Variants in KNDC1 observed in about 807,000 individuals in gnomAD.
KNDC1 encodes the protein kinase non-catalytic C-lobe domain containing 1, also known as kinase non-catalytic C-lobe domain-containing protein 1.
KNDC1 carries 106 observed loss-of-function variants against 172.8 expected under a neutral mutation model. That is an observed-to-expected ratio of 0.61 (90% CI 0.52 to 0.72). KNDC1 has a LOEUF of 0.72. Ranked by LOEUF, KNDC1 falls within the 30% of genes least tolerant of loss-of-function variation. The pLI, the probability that KNDC1 is intolerant of heterozygous loss-of-function variation, is 0.00. For synonymous variants in KNDC1, 1,083 were observed against 1,062.2 expected (o/e 1.02, Z -0.38); for missense variants, 2,325 against 2,394.5 (o/e 0.97, Z 0.61).
intron 17 of KNDC1, among the ~76,000 whole-genome samples, chr10:133,203,669 G>T (rs1244964008): frequency 6.6e-6 from 1 of 152,194 alleles, no homozygotes; most frequent in East Asian, 1.9e-4. Context: ...AACAAGCGTG[G>T]CTCCCAGAGT....
chr10:133,196,933 G>A (rs993486990), intron 10 of KNDC1, 125 bp from the exon 11 acceptor site: 9 of 713,902 alleles, frequency 1.3e-5, no homozygotes, highest in Admixed American at 4.5e-5. Flanking sequence ...GTTGGGTGTC[G>A]GTGAGAACAA....
At position 133,185,966 on chromosome 10, in the gene KNDC1, G is replaced by A. The variant is rs1166675917; in HGVS notation, c.626-8G>A. ...ACCCAGCCGTGACCACATCTTGCTTGTGCCCAGATGTCAGCGAGAGCAGCT... is the reference window on the plus strand; with the variant it reads ...ACCCAGCCGTGACCACATCTTGCTTATGCCCAGATGTCAGCGAGAGCAGCT... On this transcript the variant is annotated splice_region_variant and splice_polypyrimidine_tract_variant and intron_variant, in intron 5 of 29. Coordinates refer to ENST00000304613, the MANE Select transcript of KNDC1 (RefSeq NM_152643.8). 1.9e-6 allele frequency: 3 copies of A among 1,585,058 alleles called. No homozygotes were observed. The highest frequency in any genetic ancestry group is 1.2e-5 in the South Asian group (1 of 86,622).
intron 3 of KNDC1, among the ~76,000 whole-genome samples, chr10:133,181,652 C>A (rs1162220052): frequency 6.6e-6 from 1 of 152,214 alleles, no homozygotes; most frequent in South Asian, 2.1e-4. Flanking sequence ...AGGCATGGGA[C>A]AGAGAAGGTC....
At position 133,209,497 on chromosome 10, in the gene KNDC1, GGTT is replaced by G; in HGVS notation, c.3795-1111_3795-1109del. On this transcript the variant is annotated intron_variant, in intron 20 of 29. Coordinates refer to ENST00000304613, the MANE Select transcript of KNDC1 (RefSeq NM_152643.8). This position sits in a 1 kb window ranked among gnomAD's most constrained non-coding sequence, Gnocchi z 4.9. ...GTGCGCGTGTGTGGTGTGCGCGTCT[GGTT>G]GTGGAGTTCTGTGTGGCTTTGTGCA... is the stretch of plus-strand genomic sequence containing the variant. Among the ~76,000 whole-genome samples, 1 of 151,866 alleles carries G rather than the reference GGTT, an allele frequency of 6.6e-6. No homozygotes were observed. The highest frequency in any genetic ancestry group is 2.1e-4 in the South Asian group (1 of 4,820).
In KNDC1 at chr10:133,206,495, G is replaced by A. The variant is rs1296444659; in HGVS notation, c.3388-190G>A. 2.6e-5 allele frequency among the ~76,000 whole-genome samples: 4 copies of A among 151,694 alleles called. No homozygotes were observed. The East Asian group carries it at 5.8e-4, about 22-fold the overall frequency. On this transcript the variant is annotated intron_variant, in intron 17 of 29. Transcript: ENST00000304613. ...GCCCTGTGAGCCTGGGGGCAGCCCA[G>A]GGCCCCCCAGACCACACTGCCCAGG... is the stretch of plus-strand genomic sequence containing the variant.
At chr10:133,200,679 C>T (rs904450400) in intron 16 of KNDC1, among the ~76,000 whole-genome samples, 2 of 152,102 alleles carry the variant, frequency 1.3e-5, no homozygotes, top group Non-Finnish European at 2.9e-5. Context: ...AGGCCGTCCT[C>T]TCCTGGGGGT....
chr10:133,185,891 G>A, intron 5 of KNDC1, 83 bp from the exon 6 acceptor site: 1 of 810,494 alleles, frequency 1.2e-6, no homozygotes, highest in African/African-American at 2.0e-5. Flanking sequence ...AGAGGGGAGG[G>A]GTGGGAGGAG....
intron 4 of KNDC1, 62 bp downstream of exon 4, chr10:133,183,552 G>A (rs536109550): frequency 8.7e-6 from 13 of 1,501,718 alleles, no homozygotes; most frequent in Admixed American, 2.1e-5. Flanking sequence ...CCTGGACACC[G>A]TGTGCTCACC....
At chr10:133,205,987 G>A (rs1402428353) in intron 17 of KNDC1, among the ~76,000 whole-genome samples, 1 of 152,234 alleles carries the variant, frequency 6.6e-6, no homozygotes, top group Non-Finnish European at 1.5e-5. Context: ...GATCACCTGA[G>A]GTCGGGAGTT....
At position 133,199,077 on chromosome 10, in the gene KNDC1, G is replaced by A. The variant is rs1427717685; in HGVS notation, c.2569G>A (p.Asp857Asn). The change falls in exon 14 of 30, where the codon GAC (aspartate) becomes AAC (asparagine). Residue 857 changes from aspartate to asparagine, a missense_variant. Coordinates refer to ENST00000304613, the MANE Select transcript of KNDC1 (RefSeq NM_152643.8). Reference sequence around the variant, plus strand: ...GGCCACCCCTGCCGGGGAACGTGATGACCAGAGTCCAGACAGTGTCCCAGA... The same window carrying A: ...GGCCACCCCTGCCGGGGAACGTGATAACCAGAGTCCAGACAGTGTCCCAGA... ...PGATPAGERD[D>N]QSPDSVPERP... 2 of 1,607,466 alleles carry A rather than the reference G, an allele frequency of 1.2e-6. No homozygotes were observed. The highest frequency in any genetic ancestry group is 1.7e-6 in the Non-Finnish European group (2 of 1,177,818).
Position 133,225,680 on chromosome 10 carries a change from GA to G in KNDC1, c.*791del, listed in dbSNP as rs1845705107. ...CAGAGGCTCTGTGGCGGGGGTCCCT[GA>G]GAGTGCCCCCACCCATCTCATGCCC... On this transcript the variant is annotated 3_prime_UTR_variant, in exon 30 of 30. Transcript: ENST00000304613. 6.6e-6 allele frequency: 1 copy of G among 152,412 alleles called. No individual in the cohort carries two copies. The highest frequency in any genetic ancestry group is 2.1e-4 in the South Asian group (1 of 4,840). The allele number at this position is 152,412 out of a possible 1,614,324, so 9.4% of individuals were successfully genotyped here.
In KNDC1 at chr10:133,211,699, T is replaced by C; in HGVS notation, c.4077T>C (p.Ser1359=). Residue 1359 remains serine (S), a synonymous_variant, in exon 23 of 30, where the codon TCT becomes TCC. Transcript: ENST00000304613. The stretch of plus-strand genomic sequence containing the variant: ...CCTAGATCCTACCCCTGGACGGCTC[T>C]GCCAAGCACCTGCTGGGCCTCCTGG... The part of the protein sequence containing the change: ...ISSKILPLDG[S]AKHLLGLLEV... The C allele has an allele frequency of 6.2e-7, 1 of 1,601,504 alleles. No individual in the cohort carries two copies. The highest frequency in any genetic ancestry group is 8.5e-7 in the Non-Finnish European group (1 of 1,173,644).
At chr10:133,188,763 C>A in intron 7 of KNDC1, 110 bp downstream of exon 7, 7 of 583,160 alleles carry the variant, frequency 1.2e-5, no homozygotes, top group South Asian at 1.1e-4. Flanking sequence ...CCGTCCCACG[C>A]CCCCCCACTG....
Position 133,189,666 on chromosome 10 carries a change from A to G in KNDC1, c.1510A>G (p.Asn504Asp). 6.2e-7 allele frequency: 1 copy of G among 1,613,934 alleles called. No individual in the cohort carries two copies. Among genetic ancestry groups the G allele is most frequent in the Non-Finnish European group, 8.5e-7 (1 of 1,179,984 alleles). The change falls in exon 8 of 30, where the codon AAC (asparagine) becomes GAC (aspartate). Residue 504 changes from asparagine (N) to aspartate (D), a missense_variant. Transcript: ENST00000304613. Reference protein sequence around the residue: ...GAVLFQPPPANGSYDSFFLAP... With the variant: ...GAVLFQPPPADGSYDSFFLAP... ...TGTGCTCTTCCAGCCACCCCCTGCC[A>G]ACGGTGAGTGTGTGGGTTCCCCTCA... is the stretch of plus-strand genomic sequence containing the variant.
rs139253776 is a variant in KNDC1, at chr10:133,168,373, A to G, written c.360+61A>G. 1.2e-3 allele frequency: 1,834 copies of G among 1,521,546 alleles called. 20 individuals carry two copies. In the African/African-American group the frequency reaches 0.021, roughly 17 times the overall value. The allele number at this position is 1,521,546 out of a possible 1,614,324, so 94.3% of individuals were successfully genotyped here. On this transcript the variant is annotated intron_variant, in intron 3 of 29. Coordinates refer to ENST00000304613, the MANE Select transcript of KNDC1 (RefSeq NM_152643.8). ...TTTTACCTCTATGGTGGCCTCTGCC[A>G]TTAACTCAGAAATGCACCTGCCTTG...
intron 26 of KNDC1, among the ~76,000 whole-genome samples, chr10:133,217,839 G>A (rs1248215552): frequency 2.6e-5 from 4 of 151,992 alleles, no homozygotes; most frequent in Non-Finnish European, 4.4e-5. Context: ...CACTTTGGGA[G>A]TCCAAGGCGG....
chr10:133,179,920 G>A (rs1175347471), intron 3 of KNDC1, among the ~76,000 whole-genome samples: 1 of 152,234 alleles, frequency 6.6e-6, no homozygotes, highest in African/African-American at 2.4e-5. Context: ...GCCACTCGGT[G>A]CTCCCAGGAC....
chr10:133,162,538 G>A lies in KNDC1; in HGVS notation c.102+1969G>A, dbSNP rs114681033. On this transcript the variant is annotated intron_variant, in intron 1 of 29. Coordinates refer to ENST00000304613, the MANE Select transcript of KNDC1 (RefSeq NM_152643.8). ...AAATAGACCCCTATGGACACCCACCGGAGCCCCTGGAATGTCCCTCCCTTG... is the reference window on the plus strand; with the variant it reads ...AAATAGACCCCTATGGACACCCACCAGAGCCCCTGGAATGTCCCTCCCTTG... Among the ~76,000 whole-genome samples, 254 of 152,310 alleles carry A rather than the reference G, an allele frequency of 1.7e-3. 1 individual carries two copies. The highest frequency in any genetic ancestry group is 2.6e-3 in the Non-Finnish European group (174 of 68,022).
intron 9 of KNDC1, 60 bp downstream of exon 9, chr10:133,189,873 C>T (rs1230043651): frequency 2.2e-6 from 3 of 1,367,626 alleles, no homozygotes; most frequent in Non-Finnish European, 3.1e-6. Context: ...GATGCCACGT[C>T]CCCCATCTGT....
Sources: allele counts gnomAD v4.1 joint callset (sites outside exome capture counted in the v4.1 genomes callset), GRCh38; gene constraint gnomAD v4.1.1; non-coding constraint Gnocchi (gnomAD v3.1); transcripts MANE v1.5; gene names NCBI Gene and HGNC (gene_info 2026-07-23, HGNC 2026-07-21).